The following GALNT13 variants were observed in gnomAD, a reference collection of about 807,000 sequenced individuals.
The protein encoded by GALNT13 is UDP-GalNAc:polypeptide N-acetylgalactosaminyltransferase 13.
Under a neutral mutation model 64.2 loss-of-function variants are expected in GALNT13, and 28 were observed. The observed-to-expected ratio is 0.44, with a 90% CI of 0.32 to 0.60. The LOEUF (loss-of-function observed/expected upper bound fraction) is 0.60, where lower values mean the gene tolerates loss of function less well. Ranked by LOEUF, GALNT13 falls within the 20% of genes least tolerant of loss-of-function variation. The pLI, the probability that GALNT13 is intolerant of heterozygous loss-of-function variation, is 0.05. For synonymous variants in GALNT13, 214 were observed against 224.6 expected (o/e 0.95, Z 0.42); for missense variants, 577 against 669.8 (o/e 0.86, Z 1.53).
At chr2:154,218,002 G>T (rs1688136672) in intron 4 of GALNT13, among the ~76,000 whole-genome samples, 1 of 152,068 alleles carries the variant, frequency 6.6e-6, no homozygotes, top group Non-Finnish European at 1.5e-5. Context: ...TATCCAACAA[G>T]CCTATACTTG....
intron 9 of GALNT13, among the ~76,000 whole-genome samples, chr2:154,377,930 C>A (rs1048710492): frequency 2.6e-5 from 4 of 152,070 alleles, no homozygotes; most frequent in African/African-American, 9.7e-5. Context: ...GATGCTGTGA[C>A]CTAGAGGAAA....
At chr2:153,487,620 A>G in the GALNT13 span, among the ~76,000 whole-genome samples, 2 of 152,202 alleles carry the variant, frequency 1.3e-5, no homozygotes, top group Admixed American at 1.3e-4. Context: ...TATGAAGAGC[A>G]TGTAATCCAG....
chr2:153,943,340 TAAACAC>T (rs1691475365), intron 2 of GALNT13, among the ~76,000 whole-genome samples: 1 of 152,192 alleles, frequency 6.6e-6, no homozygotes, highest in African/African-American at 2.4e-5. Flanking sequence ...CTATCTATTC[TAAACAC>T]ACATTTATTG....
At chr2:153,642,893 G>T in the GALNT13 span, among the ~76,000 whole-genome samples, 1 of 151,028 alleles carries the variant, frequency 6.6e-6, no homozygotes. Context: ...TTTATATTAG[G>T]ACTTGAAACA....
chr2:154,056,085 T>C (rs1699879452), intron 3 of GALNT13, among the ~76,000 whole-genome samples: 1 of 152,140 alleles, frequency 6.6e-6, no homozygotes, highest in African/African-American at 2.4e-5. Flanking sequence ...AATGTTTTCA[T>C]CTGATTTAGT....
chr2:154,084,770 G>C (rs1421629687), intron 3 of GALNT13, among the ~76,000 whole-genome samples: 2 of 151,804 alleles, frequency 1.3e-5, no homozygotes, highest in Non-Finnish European at 2.9e-5. Context: ...TTTTTTAATT[G>C]CTCAACATAG....
chr2:153,752,303 G>T, the GALNT13 span, among the ~76,000 whole-genome samples: 480 of 151,822 alleles, frequency 3.2e-3, 1 homozygote, highest in Non-Finnish European at 4.7e-3. Context: ...GTGTTTTTTT[G>T]TGTGTGTGTA....
At chr2:154,417,513 A>ATTTTT (rs1387223429) in intron 11 of GALNT13, among the ~76,000 whole-genome samples, 24 of 130,276 alleles carry the variant, frequency 1.8e-4, no homozygotes, top group African/African-American at 5.6e-4. Flanking sequence ...TTATTTATTT[A>ATTTTT]TTTATTTATT....
At chr2:154,153,205 C>T (rs954266040) in intron 4 of GALNT13, among the ~76,000 whole-genome samples, 21 of 152,194 alleles carry the variant, frequency 1.4e-4, no homozygotes, top group African/African-American at 4.6e-4. Flanking sequence ...ACTCCAGACC[C>T]TCTTTGCCTG....
At chr2:154,296,041 A>G (rs1441259124) in intron 8 of GALNT13, among the ~76,000 whole-genome samples, 3 of 151,978 alleles carry the variant, frequency 2.0e-5, no homozygotes, top group Admixed American at 6.6e-5. Context: ...CTTAGTCTCT[A>G]TTTCACCCAA....
intron 3 of GALNT13, among the ~76,000 whole-genome samples, chr2:154,104,484 T>C (rs1025393421): frequency 2.0e-5 from 3 of 152,182 alleles, no homozygotes; most frequent in Non-Finnish European, 4.4e-5. Context: ...GGGAAAAACC[T>C]TGGCTACATC....
the GALNT13 span, among the ~76,000 whole-genome samples, chr2:153,213,811 T>C: frequency 6.6e-6 from 1 of 152,152 alleles, no homozygotes; most frequent in Non-Finnish European, 1.5e-5. Flanking sequence ...ATATGACAAA[T>C]TGTAGGGCAT....
At chr2:153,396,618 C>T in the GALNT13 span, among the ~76,000 whole-genome samples, 1 of 151,950 alleles carries the variant, frequency 6.6e-6, no homozygotes, top group Non-Finnish European at 1.5e-5. Flanking sequence ...GAGCCCCAGC[C>T]AGAGACATAA....
the GALNT13 span, among the ~76,000 whole-genome samples, chr2:153,326,653 C>T: frequency 7.9e-5 from 12 of 152,090 alleles, no homozygotes; most frequent in African/African-American, 2.7e-4. Context: ...TTAGTGCTTC[C>T]TTCAGGAGCT....
the GALNT13 span, among the ~76,000 whole-genome samples, chr2:153,215,657 A>T: frequency 6.6e-6 from 1 of 152,008 alleles, no homozygotes; most frequent in Admixed American, 6.6e-5. Context: ...TATTCTGTCC[A>T]TTATATCATG....
At chr2:154,375,591 A>G (rs1697942292) in intron 9 of GALNT13, among the ~76,000 whole-genome samples, 1 of 152,162 alleles carries the variant, frequency 6.6e-6, no homozygotes, top group African/African-American at 2.4e-5. Flanking sequence ...CAGGAAGACA[A>G]ACAAACCCAC....
chr2:153,409,531 A>G, the GALNT13 span, among the ~76,000 whole-genome samples: 1 of 151,816 alleles, frequency 6.6e-6, no homozygotes. Flanking sequence ...AGAAAACACG[A>G]AAAGTAAAAG....
the GALNT13 span, among the ~76,000 whole-genome samples, chr2:153,517,971 T>TA: frequency 6.6e-6 from 1 of 152,108 alleles, no homozygotes; most frequent in South Asian, 2.1e-4. Context: ...AAACACTTGA[T>TA]ATGATGCACT....
the GALNT13 span, among the ~76,000 whole-genome samples, chr2:153,781,978 A>G: frequency 6.6e-6 from 1 of 152,168 alleles, no homozygotes; most frequent in Non-Finnish European, 1.5e-5. Flanking sequence ...CTGCGTGGAC[A>G]GGTCCATGTA....
Sources: allele counts gnomAD v4.1 joint callset (sites outside exome capture counted in the v4.1 genomes callset), GRCh38; gene constraint gnomAD v4.1.1; transcripts MANE v1.5; gene names NCBI Gene and HGNC (gene_info 2026-07-23, HGNC 2026-07-21).